The following ADGRL3 variants were observed in gnomAD, a reference collection of about 807,000 sequenced individuals.
The protein encoded by ADGRL3 is calcium-independent alpha-latrotoxin receptor 3.
Under a neutral mutation model 153.5 loss-of-function variants are expected in ADGRL3, and 62 were observed. The observed-to-expected ratio is 0.40, with a 90% CI of 0.33 to 0.50. The LOEUF (loss-of-function observed/expected upper bound fraction) is 0.50. Ranked by LOEUF, ADGRL3 falls within the 20% of genes least tolerant of loss-of-function variation. The pLI is 0.47. For synonymous variants in ADGRL3, 710 were observed against 672.5 expected (o/e 1.06, Z -0.86); for missense variants, 1,641 against 1,859.4 (o/e 0.88, Z 2.16).
intron 2 of ADGRL3, among the ~76,000 whole-genome samples, chr4:61,423,833 T>C (rs1560607913): frequency 6.6e-6 from 1 of 152,150 alleles, no homozygotes; most frequent in Non-Finnish European, 1.5e-5. Context: ...ATGGGTTTAA[T>C]GTGTGTATAT....
intron 1 of ADGRL3, among the ~76,000 whole-genome samples, chr4:61,356,302 G>A (rs538537277): frequency 1.3e-5 from 2 of 152,050 alleles, no homozygotes; most frequent in East Asian, 1.9e-4. Context: ...CTGTTATGCA[G>A]GATTTGATTA....
In ADGRL3 at chr4:61,288,355, G is replaced by A. The variant is rs540014276; in HGVS notation, c.-240+86590G>A. Among the ~76,000 whole-genome samples, 5 of 140,640 alleles carry A rather than the reference G, an allele frequency of 3.6e-5. 1 individual carries two copies. The highest frequency in any genetic ancestry group is 1.3e-4 in the African/African-American group (5 of 38,304). The allele number at this position is 140,640 out of a possible 152,430, so 92.3% of individuals were successfully genotyped here. A position where few individuals can be genotyped will look rare whatever the true frequency, so the allele number is the denominator to read the frequency against. On this transcript the variant is annotated intron_variant, in intron 1 of 26. Transcript: ENST00000683033. ...TACTTCCAAAGTGGTCCCTGTGATG[G>A]TTTGGCCTTGAAATTGAATCATCAA... is the stretch of plus-strand genomic sequence containing the variant.
intron 4 of ADGRL3, among the ~76,000 whole-genome samples, chr4:61,545,163 C>T (rs917342464): frequency 6.6e-6 from 1 of 152,102 alleles, no homozygotes; most frequent in Non-Finnish European, 1.5e-5. Flanking sequence ...GGAGTTTAAA[C>T]GGAAGTCAGC....
At chr4:61,848,544 C>A (rs978040158) in intron 9 of ADGRL3, among the ~76,000 whole-genome samples, 1 of 152,044 alleles carries the variant, frequency 6.6e-6, no homozygotes, top group Admixed American at 6.6e-5. Context: ...AATTGAATTA[C>A]ATCTACGAAG....
chr4:61,776,242 C>T (rs906556238), intron 8 of ADGRL3, among the ~76,000 whole-genome samples: 11 of 152,120 alleles, frequency 7.2e-5, no homozygotes, highest in Admixed American at 1.3e-4. Context: ...CGCCTCTGCA[C>T]GACTCGGCGG....
At chr4:61,847,641 TATAATATAA>T (rs1420280015) in intron 9 of ADGRL3, among the ~76,000 whole-genome samples, 8 of 71,684 alleles carry the variant, frequency 1.1e-4, no homozygotes, top group African/African-American at 1.7e-4. Context: ...ATATTATATA[TATAATATAA>T]AATATATTAT....
chr4:62,009,062 G>A (rs184024466), intron 21 of ADGRL3, among the ~76,000 whole-genome samples: 1 of 152,110 alleles, frequency 6.6e-6, no homozygotes, highest in Non-Finnish European at 1.5e-5. Flanking sequence ...GTTTGTGTAA[G>A]AACACTCTAT....
chr4:61,694,176 A>ATTT (rs2095592928), intron 6 of ADGRL3, among the ~76,000 whole-genome samples: 5 of 94,694 alleles, frequency 5.3e-5, no homozygotes, highest in African/African-American at 1.1e-4. Context: ...AAATTTTGTC[A>ATTT]TTATTTTTTT....
intron 9 of ADGRL3, among the ~76,000 whole-genome samples, chr4:61,877,602 T>G (rs978768827): frequency 6.6e-6 from 1 of 152,204 alleles, no homozygotes; most frequent in Non-Finnish European, 1.5e-5. Context: ...TAACAGGCAC[T>G]GGCTGGCTTA....
intron 25 of ADGRL3, chr4:62,063,743 C>A: frequency 2.0e-6 from 1 of 493,322 alleles, no homozygotes; most frequent in East Asian, 3.1e-5. Context: ...TGGAAGCAGA[C>A]CTGCAGACTC....
At chr4:61,952,939 T>C (rs1482179068) in intron 17 of ADGRL3, among the ~76,000 whole-genome samples, 1 of 152,202 alleles carries the variant, frequency 6.6e-6, no homozygotes, top group Admixed American at 6.5e-5. Context: ...GAAATCAATA[T>C]TTTCCTTTAG....
At position 62,070,241 on chromosome 4, in the gene ADGRL3, A is replaced by G. The variant is rs1200566697; in HGVS notation, c.3965A>G (p.Tyr1322Cys). ...TGTGTGCAAATCATAGACCGTGGCT[A>G]TAACCATAACGAGACCGCCCTAGAG... ...SNCVQIIDRGYNHNETALEKK... is the reference protein window; with the variant it reads ...SNCVQIIDRGCNHNETALEKK... The change falls in exon 27 of 27, where the codon TAT becomes TGT. Residue 1322 changes from tyrosine (Y) to cysteine (C), a missense_variant. By Grantham distance (194) the Tyr-to-Cys change is radical. Transcript: ENST00000683033. 1.9e-6 allele frequency: 3 copies of G among 1,613,334 alleles called. No individual in the cohort carries two copies. Among genetic ancestry groups the G allele is most frequent in the African/African-American group, 1.3e-5 (1 of 74,992 alleles).
At chr4:61,433,515 G>A (rs2097402705) in intron 2 of ADGRL3, among the ~76,000 whole-genome samples, 1 of 152,046 alleles carries the variant, frequency 6.6e-6, no homozygotes, top group Non-Finnish European at 1.5e-5. Context: ...TTTTTTTAAT[G>A]TGGTGAAACA....
intron 1 of ADGRL3, among the ~76,000 whole-genome samples, chr4:61,355,239 C>T (rs1475469359): frequency 6.6e-6 from 1 of 151,986 alleles, no homozygotes; most frequent in East Asian, 1.9e-4. Context: ...TTTAACAGCT[C>T]CCACATCTGT....
chr4:61,408,030 A>G (rs1272622508), intron 2 of ADGRL3, among the ~76,000 whole-genome samples: 2 of 152,088 alleles, frequency 1.3e-5, no homozygotes, highest in African/African-American at 2.4e-5. Flanking sequence ...GAAATGAGAA[A>G]TTGGGGCTTC....
intron 2 of ADGRL3, among the ~76,000 whole-genome samples, chr4:61,411,188 G>A (rs541664784): frequency 3.3e-5 from 5 of 152,188 alleles, no homozygotes; most frequent in Admixed American, 2.0e-4. Context: ...TATAACAAAA[G>A]AACATTTCTG....
At chr4:61,389,968 A>C (rs947709581) in intron 2 of ADGRL3, among the ~76,000 whole-genome samples, 18 of 152,190 alleles carry the variant, frequency 1.2e-4, no homozygotes, top group African/African-American at 4.3e-4. Context: ...GAGTGTATAC[A>C]AAACAACAAT....
chr4:61,932,013 A>T (rs918596383), intron 13 of ADGRL3, among the ~76,000 whole-genome samples: 2 of 152,064 alleles, frequency 1.3e-5, no homozygotes, highest in Non-Finnish European at 2.9e-5. Flanking sequence ...ATATTTACAC[A>T]CGTACACACA....
chr4:61,771,423 C>T (rs1483853834), intron 8 of ADGRL3, among the ~76,000 whole-genome samples: 2 of 152,132 alleles, frequency 1.3e-5, no homozygotes, highest in African/African-American at 2.4e-5. Context: ...GATCAGCCTC[C>T]AGTTAAGCCC....
Sources: gnomAD v4.1 joint callset for allele counts (sites outside exome capture counted in the v4.1 genomes callset) on GRCh38, gnomAD v4.1.1 for gene constraint, MANE v1.5 for transcripts, NCBI Gene and HGNC (gene_info 2026-07-23, HGNC 2026-07-21) for gene names.